CBX2: variants seen among roughly 807,000 people sequenced by gnomAD.
CBX2 encodes the protein chromobox protein homolog 2.
A neutral mutation model predicts 21.0 loss-of-function variants in CBX2; 11 were observed. That is an observed-to-expected ratio of 0.52 (90% CI 0.33 to 0.87). CBX2 has a LOEUF of 0.87. Among genes scored for constraint, CBX2 ranks in the 40% least tolerant of loss-of-function variants. CBX2 has a pLI of 0.02. For missense variants in CBX2, 746 were observed against 724.3 expected, an observed-to-expected ratio of 1.03 and a Z score of -0.34; for synonymous variants, 364 against 304.6, an observed-to-expected ratio of 1.19 and a Z score of -2.03.
rs781817531 is a variant in CBX2, at chr17:79,784,726, G to T, written c.1283G>T (p.Arg428Met). ...AVAPPTPASK[R>M]DCVKGSATPS... The stretch of plus-strand genomic sequence containing the variant: ...GCGCCACCCACCCCTGCCAGCAAGA[G>T]GGACTGTGTCAAGGGCAGTGCTACC... Residue 428 changes from arginine (R) to methionine (M), a missense_variant, in exon 5 of 5, where the codon AGG becomes ATG. Arg to Met is a moderately conservative substitution (Grantham distance 91). Transcript: ENST00000310942. The surrounding 1 kb of genome is among the most constrained non-coding windows in gnomAD (Gnocchi z 5.9). 5 of 1,611,628 alleles carry T rather than the reference G, an allele frequency of 3.1e-6. No individual in the cohort carries two copies. The South Asian group carries it at 5.5e-5, about 18-fold the overall frequency.
chr17:79,783,514 A>G (rs1907390756), intron 4 of CBX2, among the ~76,000 whole-genome samples: 2 of 151,908 alleles, frequency 1.3e-5, no homozygotes, highest in South Asian at 2.1e-4. Context: ...ATTTGAAGCA[A>G]TTCTCCTGCC....
At position 79,778,255 on chromosome 17, in the gene CBX2, T is replaced by G; in HGVS notation, c.20T>G (p.Val7Gly). 6.6e-7 allele frequency: 1 copy of G among 1,513,268 alleles called. No individual in the cohort carries two copies. The highest frequency in any genetic ancestry group is 8.8e-7 in the Non-Finnish European group (1 of 1,136,186). 93.7% of individuals were successfully genotyped at this position (1,513,268 alleles called of 1,614,324 possible). A position where few individuals can be genotyped will look rare whatever the true frequency, so the allele number is the denominator to read the frequency against. MEELSS[V>G]GEQVFAAECI... ...GGCAGCATGGAGGAGCTGAGCAGCGTGGGCGAGCAGGTCTTCGCCGCCGAG... is the reference window on the plus strand; with the variant it reads ...GGCAGCATGGAGGAGCTGAGCAGCGGGGGCGAGCAGGTCTTCGCCGCCGAG... The change falls in exon 1 of 5, where the codon GTG becomes GGG. Residue 7 changes from valine (V) to glycine (G), a missense_variant. Val to Gly is a moderately radical substitution (Grantham distance 109). Coordinates refer to ENST00000310942, the MANE Select transcript of CBX2 (RefSeq NM_005189.3). This position sits in a 1 kb window ranked among gnomAD's most constrained non-coding sequence, Gnocchi z 4.8.
intron 4 of CBX2, among the ~76,000 whole-genome samples, chr17:79,783,501 C>T (rs1479060144): frequency 6.6e-6 from 1 of 152,054 alleles, no homozygotes; most frequent in Admixed American, 6.5e-5. Flanking sequence ...CCTCCACCTC[C>T]CGATTTGAAG....
upstream of CBX2, among the ~76,000 whole-genome samples, chr17:79,777,923 A>G (rs553213539): frequency 6.7e-4 from 62 of 92,400 alleles, no homozygotes; most frequent in South Asian, 5.6e-3. Flanking sequence ...CCGCGCCCCC[A>G]CCCCCGCCCC....
At position 79,786,621 on chromosome 17, in the gene CBX2, C is replaced by T. The variant is rs1907653733; in HGVS notation, c.*1579C>T. 1 of 152,872 alleles carries T rather than the reference C, an allele frequency of 6.5e-6. No homozygotes were observed. 9.5% of individuals were successfully genotyped at this position (152,872 alleles called of 1,614,324 possible). ...GCGGCAGGCAATCTGGTCACTAGGT[C>T]TTTGTGATGCCAAAAATAAAAGAGG... is the stretch of plus-strand genomic sequence containing the variant. On this transcript the variant is annotated 3_prime_UTR_variant, in exon 5 of 5. Transcript: ENST00000310942.
At chr17:79,777,673 C>G (rs1906817105), upstream of CBX2, among the ~76,000 whole-genome samples, 1 of 152,100 alleles carries the variant, frequency 6.6e-6, no homozygotes, top group African/African-American at 2.4e-5. Flanking sequence ...AAAGCCAGTT[C>G]AAGAAGCCGG....
At chr17:79,779,119 C>T (rs1001467738) in intron 2 of CBX2, among the ~76,000 whole-genome samples, 3 of 152,186 alleles carry the variant, frequency 2.0e-5, no homozygotes, top group Admixed American at 1.3e-4. Flanking sequence ...CCTCTTGTGG[C>T]CTTGTTTTAA....
chr17:79,782,302 G>A (rs574033966), intron 4 of CBX2: 327 of 1,517,312 alleles, frequency 2.2e-4, no homozygotes, highest in Middle Eastern at 3.7e-4. Context: ...CTTGGAGGAG[G>A]GCAGAGGCAG....
chr17:79,781,582 C>G, intron 3 of CBX2, 114 bp from the exon 4 acceptor site: 1 of 906,888 alleles, frequency 1.1e-6, no homozygotes, highest in Non-Finnish European at 1.8e-6. Flanking sequence ...TTGCGGCAAA[C>G]AGGATAAGCT....
chr17:79,782,797 G>A (rs1165746012), intron 4 of CBX2, among the ~76,000 whole-genome samples: 9 of 152,202 alleles, frequency 5.9e-5, no homozygotes, highest in African/African-American at 1.9e-4. Context: ...GGAGAACGGG[G>A]TGGTAGGGAG....
chr17:79,778,477 T>A lies in CBX2; in HGVS notation c.116+50T>A. 7.9e-7 allele frequency: 1 copy of A among 1,273,214 alleles called. No homozygotes were observed. Among genetic ancestry groups the A allele is most frequent in the Non-Finnish European group, 1.1e-6 (1 of 936,104 alleles). 78.9% of individuals were successfully genotyped at this position (1,273,214 alleles called of 1,614,324 possible). A position where few individuals can be genotyped will look rare whatever the true frequency, so the allele number is the denominator to read the frequency against. The stretch of plus-strand genomic sequence containing the variant: ...CCCCTCCCGCCCCCTCGCCCGGGGG[T>A]GGGGACGTGGAGCCCCTCGGCCGCG... On this transcript the variant is annotated intron_variant, in intron 2 of 4. Transcript: ENST00000310942. This position sits in a 1 kb window ranked among gnomAD's most constrained non-coding sequence, Gnocchi z 4.8.
At chr17:79,783,175 T>C (rs1907361821) in intron 4 of CBX2, among the ~76,000 whole-genome samples, 1 of 152,212 alleles carries the variant, frequency 6.6e-6, no homozygotes, top group African/African-American at 2.4e-5. Context: ...GTGGACTCTG[T>C]CCGTCCTTAA....
In CBX2 at chr17:79,778,925, G is replaced by A. The variant is rs1906947222; in HGVS notation, c.117-437G>A. On this transcript the variant is annotated intron_variant, in intron 2 of 4. Transcript: ENST00000310942. This position sits in a 1 kb window ranked among gnomAD's most constrained non-coding sequence, Gnocchi z 4.8. ...CCCCGCTCTTTCTTCGCTACCCCTCGAGGTGCCCCGGCCCGCGCGCCACAT... is the reference window on the plus strand; with the variant it reads ...CCCCGCTCTTTCTTCGCTACCCCTCAAGGTGCCCCGGCCCGCGCGCCACAT... Among the ~76,000 whole-genome samples the A allele has an allele frequency of 1.3e-5, 2 of 151,952 alleles. No individual in the cohort carries two copies. The highest frequency in any genetic ancestry group is 6.5e-5 in the Admixed American group (1 of 15,286).
At position 79,785,116 on chromosome 17, in the gene CBX2, A is replaced by C. The variant is rs1440864741; in HGVS notation, c.*74A>C. 3.1e-6 allele frequency: 4 copies of C among 1,297,440 alleles called. No individual in the cohort carries two copies. In the African/African-American group the frequency reaches 5.8e-5, roughly 19 times the overall value. The allele number at this position is 1,297,440 out of a possible 1,614,324, so 80.4% of individuals were successfully genotyped here. ...GGTGTCGCTTGGCTAAGTGACTCCC[A>C]GCCCAAGCCCCCTCAAGAGTCTGGG... On this transcript the variant is annotated 3_prime_UTR_variant, in exon 5 of 5. Transcript: ENST00000310942.
In CBX2 at chr17:79,783,819, A is replaced by C; in HGVS notation, c.376A>C (p.Ser126Arg). Reference sequence around the variant, plus strand: ...CTCTTCCTCAGATGAAGAGGATGACAGTGACTTAGATGCTAAGAGGGGTCC... The same window carrying C: ...CTCTTCCTCAGATGAAGAGGATGACCGTGACTTAGATGCTAAGAGGGGTCC... ...SSSSSDEEDD[S>R]DLDAKRGPRG... Residue 126 changes from serine to arginine, a missense_variant, in exon 5 of 5, where the codon AGT becomes CGT. Ser to Arg is a moderately radical substitution (Grantham distance 110, BLOSUM62 -1). Coordinates refer to ENST00000310942, the MANE Select transcript of CBX2 (RefSeq NM_005189.3). 2.5e-6 allele frequency: 4 copies of C among 1,603,618 alleles called. No individual in the cohort carries two copies. The Admixed American group carries it at 6.9e-5, about 28-fold the overall frequency.
chr17:79,777,590 C>T (rs1203529716), upstream of CBX2, among the ~76,000 whole-genome samples: 1 of 152,180 alleles, frequency 6.6e-6, no homozygotes, highest in Non-Finnish European at 1.5e-5. Flanking sequence ...CGGACTTCGT[C>T]TTCCTTTCCT....
chr17:79,781,791 C>A lies in CBX2; in HGVS notation c.278C>A (p.Ser93Tyr), dbSNP rs782239297. The part of the protein sequence containing the change: ...LTAMSSCSRR[S>Y]KLKEPDAPSK... Reference sequence around the variant, plus strand: ...GCCATGTCCTCCTGCAGCCGGCGCTCCAAGCTCAAGGTGGGTGGCTGCGCT... The same window carrying A: ...GCCATGTCCTCCTGCAGCCGGCGCTACAAGCTCAAGGTGGGTGGCTGCGCT... Residue 93 changes from serine to tyrosine, a missense_variant, in exon 4 of 5, where the codon TCC (serine) becomes TAC (tyrosine). Ser to Tyr is a moderately radical substitution (Grantham distance 144). Around this residue, in one of 2 missense-constraint regions of CBX2, gnomAD observed 701 missense variants for 650.7 expected, o/e 1.08. Coordinates refer to ENST00000310942, the MANE Select transcript of CBX2 (RefSeq NM_005189.3). The A allele has an allele frequency of 6.2e-7, 1 of 1,614,118 alleles. No individual in the cohort carries two copies. The highest frequency in any genetic ancestry group is 1.1e-5 in the South Asian group (1 of 91,090).
At chr17:79,782,034 G>T (rs782135362) in intron 4 of CBX2, 2 of 1,613,994 alleles carry the variant, frequency 1.2e-6, no homozygotes, top group Middle Eastern at 1.6e-4. Flanking sequence ...TCCTGCTTCA[G>T]CCTGTCCTGC....
chr17:79,782,991 A>G (rs1182675518), intron 4 of CBX2, among the ~76,000 whole-genome samples: 1 of 152,206 alleles, frequency 6.6e-6, no homozygotes, highest in Non-Finnish European at 1.5e-5. Flanking sequence ...GGGATACTGA[A>G]GCCCACTTGG....
Sources: allele counts gnomAD v4.1 joint callset (sites outside exome capture counted in the v4.1 genomes callset), GRCh38; gene constraint gnomAD v4.1.1; regional missense constraint gnomAD v4.1.1; non-coding constraint Gnocchi (gnomAD v3.1); transcripts MANE v1.5; gene names NCBI Gene and HGNC (gene_info 2026-07-23, HGNC 2026-07-21).